Variants in NPTX2 observed in about 807,000 individuals in gnomAD.
NPTX2 encodes neuronal pentraxin 2, also known as neuronal pentraxin-2.
Under a neutral mutation model 38.1 loss-of-function variants are expected in NPTX2, and 23 were observed. The ratio of observed to expected loss-of-function variants is 0.60; its 90% CI spans 0.43 to 0.85. The LOEUF (loss-of-function observed/expected upper bound fraction) is 0.85. Among genes scored for constraint, NPTX2 ranks in the 40% least tolerant of loss-of-function variants. The pLI, the probability that NPTX2 is intolerant of heterozygous loss-of-function variation, is 0.00. For synonymous variants in NPTX2, 291 were observed against 287.3 expected (o/e 1.01, Z -0.13); for missense variants, 553 against 615.3 (o/e 0.90, Z 1.07).
chr7:98,620,877 C>G (rs1791260114), intron 2 of NPTX2, among the ~76,000 whole-genome samples: 2 of 152,172 alleles, frequency 1.3e-5, no homozygotes, highest in Non-Finnish European at 2.9e-5. Context: ...TGGCTGTAAA[C>G]CTCCCTCTGC....
Position 98,617,514 on chromosome 7 carries a change from A to G in NPTX2, c.53A>G (p.Gln18Arg). 3 of 1,379,310 alleles carry G rather than the reference A, an allele frequency of 2.2e-6. No individual in the cohort carries two copies. Among genetic ancestry groups the G allele is most frequent in the East Asian group, 6.4e-5 (2 of 31,494 alleles). 85.4% of individuals were successfully genotyped at this position (1,379,310 alleles called of 1,614,324 possible). The change falls in exon 1 of 5, where the codon CAG (glutamine) becomes CGG (arginine). Residue 18 changes from glutamine (Q) to arginine (R), a missense_variant. Physicochemically the swap from Gln to Arg is conservative, Grantham distance 43 (BLOSUM62 1). Coordinates refer to ENST00000265634, the MANE Select transcript of NPTX2 (RefSeq NM_002523.3). ...SVALAVAAGA[Q>R]DSPAPGSRFV... ...GCGCTCGCCGTGGCCGCTGGGGCCCAGGACAGCCCGGCGCCCGGTAGCCGC... is the reference window on the plus strand; with the variant it reads ...GCGCTCGCCGTGGCCGCTGGGGCCCGGGACAGCCCGGCGCCCGGTAGCCGC...
chr7:98,626,599 C>G (rs1791355004), intron 3 of NPTX2, among the ~76,000 whole-genome samples: 1 of 152,226 alleles, frequency 6.6e-6, no homozygotes, highest in Admixed American at 6.5e-5. Context: ...CCAGCAGCAA[C>G]AACGCGGTGG....
In NPTX2 at chr7:98,617,523, C is replaced by T; in HGVS notation, c.62C>T (p.Pro21Leu). The change falls in exon 1 of 5, where the codon CCG becomes CTG. Residue 21 changes from proline to leucine, a missense_variant. Pro to Leu is a moderately conservative substitution (Grantham distance 98, BLOSUM62 -3). Coordinates refer to ENST00000265634, the MANE Select transcript of NPTX2 (RefSeq NM_002523.3). ...LAVAAGAQDS[P>L]APGSRFVCTA... is the part of the protein sequence containing the mutation. The stretch of plus-strand genomic sequence containing the variant: ...GTGGCCGCTGGGGCCCAGGACAGCC[C>T]GGCGCCCGGTAGCCGCTTCGTGTGC... 2.1e-6 allele frequency: 3 copies of T among 1,404,942 alleles called. No individual in the cohort carries two copies. Among genetic ancestry groups the T allele is most frequent in the East Asian group, 3.2e-5 (1 of 31,742 alleles). 87.0% of individuals were successfully genotyped at this position (1,404,942 alleles called of 1,614,324 possible). A position where few individuals can be genotyped will look rare whatever the true frequency, so the allele number is the denominator to read the frequency against.
chr7:98,617,746 G>A lies in NPTX2; in HGVS notation c.285G>A (p.Glu95=). 4 of 1,425,962 alleles carry A rather than the reference G, an allele frequency of 2.8e-6. No individual in the cohort carries two copies. Among genetic ancestry groups the A allele is most frequent in the Non-Finnish European group, 2.7e-6 (3 of 1,102,962 alleles). 88.3% of individuals were successfully genotyped at this position (1,425,962 alleles called of 1,614,324 possible). The change falls in exon 1 of 5, where the codon GAG becomes GAA. Residue 95 remains glutamate, a synonymous_variant. Coordinates refer to ENST00000265634, the MANE Select transcript of NPTX2 (RefSeq NM_002523.3). ...RELTGKLARC[E]GLAGGKARGA... is the part of the protein sequence containing the mutation. ...TCACGGGCAAGCTAGCGCGCTGCGA[G>A]GGGCTGGCGGGCGGCAAGGCGCGCG... is the stretch of plus-strand genomic sequence containing the variant.
chr7:98,619,747 G>A lies in NPTX2; in HGVS notation c.531G>A (p.Val177=), dbSNP rs768933239. The change falls in exon 2 of 5, where the codon GTG becomes GTA. Residue 177 remains valine (V), a synonymous_variant. Coordinates refer to ENST00000265634, the MANE Select transcript of NPTX2 (RefSeq NM_002523.3). The part of the protein sequence containing the change: ...GELERQLLRK[V]AELEDEKSLL... ...TGGAGAGGCAGCTTCTGCGCAAGGT[G>A]GCAGAGCTGGAGGACGAGAAGTCCC... The A allele has an allele frequency of 1.2e-6, 2 of 1,613,416 alleles. No individual in the cohort carries two copies. Among genetic ancestry groups the A allele is most frequent in the Admixed American group, 1.7e-5 (1 of 60,026 alleles).
chr7:98,625,726 A>C (rs1204629357), intron 3 of NPTX2, among the ~76,000 whole-genome samples: 1 of 151,258 alleles, frequency 6.6e-6, no homozygotes, highest in African/African-American at 2.4e-5. Context: ...ATACCCCTTC[A>C]TAGTTAACTC....
In NPTX2 at chr7:98,617,878, G is replaced by C; in HGVS notation, c.417G>C (p.Glu139Asp). The C allele has an allele frequency of 7.1e-6, 11 of 1,554,880 alleles. No homozygotes were observed. The highest frequency in any genetic ancestry group is 9.5e-6 in the Non-Finnish European group (11 of 1,158,474). Residue 139 changes from glutamate to aspartate, a missense_variant, in exon 1 of 5, where the codon GAG becomes GAC. By Grantham distance (45) the Glu-to-Asp change is conservative. Coordinates refer to ENST00000265634, the MANE Select transcript of NPTX2 (RefSeq NM_002523.3). ...TGCAGACCCTCAAGGACCGCCTGGA[G>C]AGCCTCGAGGTAGCGGCCCGCGGGG... ...RSLQTLKDRL[E>D]SLEHQLRANV...
chr7:98,625,300 C>A, intron 3 of NPTX2, 134 bp downstream of exon 3: 2 of 1,241,900 alleles, frequency 1.6e-6, no homozygotes, highest in East Asian at 2.5e-5. Context: ...CGGGGCTGTC[C>A]TCCTCGAGGT....
chr7:98,618,477 A>G (rs1005526975), intron 1 of NPTX2, among the ~76,000 whole-genome samples: 2 of 151,556 alleles, frequency 1.3e-5, no homozygotes, highest in Non-Finnish European at 2.9e-5. Flanking sequence ...GGTTAACTTC[A>G]AAGACTCCCG....
chr7:98,629,440 GT>G lies in NPTX2; in HGVS notation c.*823del, dbSNP rs879150906. ...CCATCCGGTGTGGTTTGGAGGATTT[GT>G]TTTTTTTTTTTCCCAACAGAAAAGA... On this transcript the variant is annotated 3_prime_UTR_variant, in exon 5 of 5. Transcript: ENST00000265634. 0.031 allele frequency: 4,512 copies of G among 145,454 alleles called. 161 individuals are homozygous for G. Among genetic ancestry groups the G allele is most frequent in the African/African-American group, 0.086 (3,419 of 39,920 alleles). 9.0% of individuals were successfully genotyped at this position (145,454 alleles called of 1,614,324 possible). A position where few individuals can be genotyped will look rare whatever the true frequency, so the allele number is the denominator to read the frequency against.
At chr7:98,617,924 G>C (rs1460920231) in intron 1 of NPTX2, 37 bp downstream of exon 1, 2 of 1,532,086 alleles carry the variant, frequency 1.3e-6, no homozygotes, top group Admixed American at 4.0e-5. Context: ...ACCTGGAATG[G>C]GGACGCTCCC....
intron 2 of NPTX2, among the ~76,000 whole-genome samples, chr7:98,623,716 T>C (rs932110216): frequency 1.6e-4 from 25 of 152,188 alleles, no homozygotes; most frequent in African/African-American, 6.0e-4. Context: ...AATTCTTTCA[T>C]GTGAGGAGTG....
Position 98,619,568 on chromosome 7 carries a change from G to C in NPTX2, c.427-75G>C, listed in dbSNP as rs1235968065. 6 of 1,262,154 alleles carry C rather than the reference G, an allele frequency of 4.8e-6. No individual in the cohort carries two copies. The Admixed American group carries it at 6.9e-5, about 14-fold the overall frequency. 78.2% of individuals were successfully genotyped at this position (1,262,154 alleles called of 1,614,324 possible). On this transcript the variant is annotated intron_variant, in intron 1 of 4. Coordinates refer to ENST00000265634, the MANE Select transcript of NPTX2 (RefSeq NM_002523.3). The stretch of plus-strand genomic sequence containing the variant: ...TTTGGAAGCTTCTCCCTGTGTGGTC[G>C]GGCCATCACAGCCACATTTCACAAT...
At chr7:98,619,888 G>A (rs1259253078) in intron 2 of NPTX2, 29 bp downstream of exon 2, 2 of 1,594,008 alleles carry the variant, frequency 1.3e-6, no homozygotes, top group Non-Finnish European at 1.7e-6. Flanking sequence ...TCTCTGTCTG[G>A]CAGTGGCCTG....
chr7:98,622,991 C>T (rs917524992), intron 2 of NPTX2, among the ~76,000 whole-genome samples: 1 of 152,104 alleles, frequency 6.6e-6, no homozygotes. Flanking sequence ...AAGAGCCTTT[C>T]GTGTGTATTA....
intron 2 of NPTX2, among the ~76,000 whole-genome samples, chr7:98,622,705 A>G (rs1178879728): frequency 6.6e-6 from 1 of 151,968 alleles, no homozygotes; most frequent in East Asian, 1.9e-4. Flanking sequence ...CCCAGCCTTC[A>G]CTCTGGCCTG....
intron 3 of NPTX2, among the ~76,000 whole-genome samples, chr7:98,626,280 G>A (rs572755786): frequency 2.0e-5 from 3 of 152,046 alleles, no homozygotes; most frequent in Non-Finnish European, 4.4e-5. Flanking sequence ...CCGGATTTGG[G>A]CATTTGAGTG....
At chr7:98,625,790 C>G (rs1184480652) in intron 3 of NPTX2, among the ~76,000 whole-genome samples, 1 of 151,942 alleles carries the variant, frequency 6.6e-6, no homozygotes, top group East Asian at 1.9e-4. Context: ...TACCCATGGT[C>G]TTGCCTTTTC....
intron 2 of NPTX2, 100 bp downstream of exon 2, chr7:98,619,959 C>G (rs939083379): frequency 1.9e-6 from 2 of 1,030,400 alleles, no homozygotes; most frequent in East Asian, 5.2e-5. Flanking sequence ...GATTGTGACA[C>G]CACATGGGCC....
Sources: allele counts gnomAD v4.1 joint callset (sites outside exome capture counted in the v4.1 genomes callset), GRCh38; gene constraint gnomAD v4.1.1; transcripts MANE v1.5; gene names NCBI Gene and HGNC (gene_info 2026-07-23, HGNC 2026-07-21).